The following QTGAL variants were observed in gnomAD, a reference collection of about 807,000 sequenced individuals.
QTGAL encodes BGnT-like protein 1.
At chr17:83,030,419 G>A in the QTGAL span, among the ~76,000 whole-genome samples, 3 of 152,228 alleles carry the variant, frequency 2.0e-5, no homozygotes, top group Admixed American at 6.5e-5. Flanking sequence ...AAGGGCAGCT[G>A]TAGAGGTGGA....
chr17:83,047,039 G>GC, the QTGAL span, among the ~76,000 whole-genome samples: 2 of 152,242 alleles, frequency 1.3e-5, no homozygotes, highest in Non-Finnish European at 2.9e-5. Flanking sequence ...CAGAAAGCAG[G>GC]CGAGTGGTTG....
chr17:82,956,825 G>C, the QTGAL span: 11 of 1,540,364 alleles, frequency 7.1e-6, no homozygotes, highest in Admixed American at 2.0e-5. This position sits in a 1 kb window ranked among gnomAD's most constrained non-coding sequence, Gnocchi z 5.7. Context: ...TCCCCGGAGA[G>C]ACGCCCTCAG....
At chr17:82,996,007 T>C in the QTGAL span, among the ~76,000 whole-genome samples, 1 of 147,132 alleles carries the variant, frequency 6.8e-6, no homozygotes, top group Non-Finnish European at 1.5e-5. Flanking sequence ...ATAACTAAAA[T>C]AAAATTACCA....
At chr17:83,049,428 T>C in the QTGAL span, among the ~76,000 whole-genome samples, 1 of 149,526 alleles carries the variant, frequency 6.7e-6, no homozygotes, top group African/African-American at 2.5e-5. Context: ...TTTTTTTTTT[T>C]CTGAGATGGA....
chr17:83,047,507 C>T, the QTGAL span, among the ~76,000 whole-genome samples: 54 of 108,234 alleles, frequency 5.0e-4, no homozygotes, highest in East Asian at 1.3e-3. Context: ...GAATAAGAAA[C>T]TTAGGTCTAT....
At chr17:82,969,986 T>TA in the QTGAL span, among the ~76,000 whole-genome samples, 4 of 149,576 alleles carry the variant, frequency 2.7e-5, no homozygotes, top group South Asian at 4.3e-4. Flanking sequence ...GGCCAAAAAT[T>TA]AAAAAAAAAA....
At chr17:82,944,028 G>A in the QTGAL span, 1 of 152,242 alleles carries the variant, frequency 6.6e-6, no homozygotes, top group African/African-American at 2.4e-5. Context: ...AGCTCACAAA[G>A]CTCCTGCTGG....
At chr17:82,957,949 G>A in the QTGAL span, among the ~76,000 whole-genome samples, 8 of 152,128 alleles carry the variant, frequency 5.3e-5, no homozygotes, top group African/African-American at 9.7e-5. Context: ...CCTGGTCTCT[G>A]TTCTCCCTCT....
At chr17:82,957,169 G>C in the QTGAL span, 7 of 1,614,106 alleles carry the variant, frequency 4.3e-6, no homozygotes, top group Non-Finnish European at 5.9e-6. Context: ...GACACCATGC[G>C]GCCCTGCACA....
chr17:83,018,455 A>ATACACT, the QTGAL span, among the ~76,000 whole-genome samples: 1 of 148,474 alleles, frequency 6.7e-6, no homozygotes, highest in African/African-American at 2.4e-5. Context: ...AAACACACAC[A>ATACACT]TACACTTTTT....
At chr17:82,946,902 G>A in the QTGAL span, 32 of 1,562,594 alleles carry the variant, frequency 2.0e-5, no homozygotes, top group Middle Eastern at 1.7e-4. Context: ...CCATGGGTCC[G>A]TCAGCTGAAG....
the QTGAL span, among the ~76,000 whole-genome samples, chr17:82,990,772 G>A: frequency 1.3e-5 from 2 of 152,174 alleles, no homozygotes; most frequent in Non-Finnish European, 2.9e-5. Flanking sequence ...TGGGGCCTCT[G>A]GGAGATGATT....
chr17:83,028,370 A>G, the QTGAL span, among the ~76,000 whole-genome samples: 2,227 of 150,748 alleles, frequency 0.015, 45 homozygotes, highest in African/African-American at 0.052. Context: ...TAAAAATACA[A>G]AAAATTAGCC....
the QTGAL span, among the ~76,000 whole-genome samples, chr17:83,008,689 CTT>C: frequency 2.6e-5 from 4 of 152,344 alleles, no homozygotes; most frequent in Middle Eastern, 3.4e-3. Flanking sequence ...CTCCTGGACA[CTT>C]GTTCTTGCAG....
chr17:82,979,339 C>T, the QTGAL span: 2 of 152,180 alleles, frequency 1.3e-5, no homozygotes, highest in Admixed American at 6.5e-5. Flanking sequence ...TAACCCTAAA[C>T]ACACAAACTG....
At chr17:83,014,438 G>T in the QTGAL span, 1 of 1,612,528 alleles carries the variant, frequency 6.2e-7, no homozygotes, top group Admixed American at 1.7e-5. Context: ...ACGACACTAA[G>T]GAGGCCAGTA....
chr17:83,028,510 G>A, the QTGAL span, among the ~76,000 whole-genome samples: 1 of 134,104 alleles, frequency 7.5e-6, no homozygotes, highest in South Asian at 2.4e-4. Context: ...GGGCGACAGC[G>A]AGACTCCATC....
chr17:82,996,505 GA>G, the QTGAL span, among the ~76,000 whole-genome samples: 1 of 140,616 alleles, frequency 7.1e-6, no homozygotes, highest in East Asian at 2.1e-4. Context: ...CTGGATGACA[GA>G]GCGAGACTCT....
At chr17:83,010,348 G>A in the QTGAL span, among the ~76,000 whole-genome samples, 2 of 152,160 alleles carry the variant, frequency 1.3e-5, no homozygotes, top group African/African-American at 4.8e-5. Flanking sequence ...GAGCCCGGAG[G>A]CAGCCGTCCA....
Sources: gnomAD v4.1 joint callset for allele counts (sites outside exome capture counted in the v4.1 genomes callset) on GRCh38, gnomAD v4.1.1 for gene constraint, Gnocchi (gnomAD v3.1) non-coding constraint, MANE v1.5 for transcripts, NCBI Gene and HGNC (gene_info 2026-07-23, HGNC 2026-07-21) for gene names.